The following KCNAB1 variants were observed in gnomAD, a reference collection of about 807,000 sequenced individuals.
KCNAB1 encodes the protein voltage-gated potassium channel subunit beta-1.
Under a neutral mutation model 64.6 loss-of-function variants are expected in KCNAB1, and 35 were observed. The observed-to-expected ratio is 0.54, with a 90% confidence interval of 0.41 to 0.72. The LOEUF is 0.72. Ranked by LOEUF, KCNAB1 falls within the 30% of genes least tolerant of loss-of-function variation. KCNAB1 has a pLI of 0.00. For synonymous variants in KCNAB1, 177 were observed against 183.8 expected (o/e 0.96, Z 0.30); for missense variants, 401 against 512.9 (o/e 0.78, Z 2.11).
At chr3:156,406,413 A>C (rs1161398241) in intron 1 of KCNAB1, among the ~76,000 whole-genome samples, 1 of 152,148 alleles carries the variant, frequency 6.6e-6, no homozygotes, top group Non-Finnish European at 1.5e-5. Flanking sequence ...GACAACACAC[A>C]AAGAACCATG....
intron 1 of KCNAB1, among the ~76,000 whole-genome samples, chr3:156,184,696 C>T (rs1199142542): frequency 6.6e-6 from 1 of 152,176 alleles, no homozygotes; most frequent in Non-Finnish European, 1.5e-5. Flanking sequence ...CAACCTAGGA[C>T]CATCAAAATA....
intron 1 of KCNAB1, among the ~76,000 whole-genome samples, chr3:156,296,840 A>G (rs1260396956): frequency 6.6e-6 from 1 of 152,134 alleles, no homozygotes; most frequent in East Asian, 1.9e-4. Flanking sequence ...AAATTTACAG[A>G]AGTTTGCAAA....
intron 1 of KCNAB1, among the ~76,000 whole-genome samples, chr3:156,380,380 TG>T (rs1712059724): frequency 6.6e-6 from 1 of 152,258 alleles, no homozygotes; most frequent in Non-Finnish European, 1.5e-5. Flanking sequence ...ATGCATTCCT[TG>T]GTGTACTGAG....
At chr3:156,454,771 T>C (rs1712267501) in intron 3 of KCNAB1, among the ~76,000 whole-genome samples, 2 of 152,138 alleles carry the variant, frequency 1.3e-5, no homozygotes, top group South Asian at 2.1e-4. Flanking sequence ...CTGATGGTGC[T>C]TGGAAGGGAA....
intron 1 of KCNAB1, among the ~76,000 whole-genome samples, chr3:156,192,523 A>G (rs1387614400): frequency 6.6e-6 from 1 of 152,132 alleles, no homozygotes; most frequent in Non-Finnish European, 1.5e-5. Context: ...AGTGCTGTTC[A>G]AGTCTTTGAT....
chr3:156,128,726 C>G (rs1179508838), intron 1 of KCNAB1, among the ~76,000 whole-genome samples: 1 of 152,166 alleles, frequency 6.6e-6, no homozygotes, highest in Non-Finnish European at 1.5e-5. Flanking sequence ...AACTATGGCA[C>G]TCTAATTGTG....
At chr3:156,421,242 G>A (rs372384756) in intron 1 of KCNAB1, among the ~76,000 whole-genome samples, 23 of 152,054 alleles carry the variant, frequency 1.5e-4, no homozygotes, top group African/African-American at 4.3e-4. Context: ...AGTGAGAAGT[G>A]GTCAGTTGAC....
At chr3:156,503,356 T>C (rs1281539165) in intron 8 of KCNAB1, among the ~76,000 whole-genome samples, 1 of 152,246 alleles carries the variant, frequency 6.6e-6, no homozygotes, top group Non-Finnish European at 1.5e-5. Context: ...TAGAAAGCTC[T>C]CTTATTGCTT....
At chr3:156,337,903 A>G (rs1437370751) in intron 1 of KCNAB1, among the ~76,000 whole-genome samples, 2 of 152,224 alleles carry the variant, frequency 1.3e-5, no homozygotes, top group East Asian at 3.8e-4. Flanking sequence ...ACATTCAAGT[A>G]TTATCTATTT....
At chr3:156,222,788 C>T (rs967213189) in intron 1 of KCNAB1, among the ~76,000 whole-genome samples, 1 of 152,112 alleles carries the variant, frequency 6.6e-6, no homozygotes, top group Non-Finnish European at 1.5e-5. Flanking sequence ...CCTTCAAAAC[C>T]ATGCAAATAT....
chr3:156,184,813 C>G (rs1231166252), intron 1 of KCNAB1, among the ~76,000 whole-genome samples: 2 of 152,134 alleles, frequency 1.3e-5, no homozygotes, highest in Non-Finnish European at 2.9e-5. Context: ...TTCCCCATAC[C>G]TGTTTCTCCT....
At chr3:156,180,119 T>G (rs1712706707) in intron 1 of KCNAB1, among the ~76,000 whole-genome samples, 1 of 152,248 alleles carries the variant, frequency 6.6e-6, no homozygotes, top group Non-Finnish European at 1.5e-5. Context: ...CAGAGGTCAC[T>G]CAGCCTATAA....
In KCNAB1 at chr3:156,182,695, A is replaced by ATTTTTT. The variant is rs10624040; in HGVS notation, c.275+61822_275+61827dup. 1.4e-3 allele frequency among the ~76,000 whole-genome samples: 191 copies of ATTTTTT among 132,674 alleles called. 1 individual carries two copies. Among genetic ancestry groups the ATTTTTT allele is most frequent in the African/African-American group, 4.7e-3 (168 of 35,674 alleles). 87.0% of individuals were successfully genotyped at this position (132,674 alleles called of 152,430 possible). ...CAAGGTATCTTCCTAAAGTAAGACA[A>ATTTTTT]TTTTTTTTTTTTTTTTTTATTTTGC... On this transcript the variant is annotated intron_variant, in intron 1 of 13. Coordinates refer to ENST00000490337, the MANE Select transcript of KCNAB1 (RefSeq NM_172160.3).
intron 2 of KCNAB1, among the ~76,000 whole-genome samples, chr3:156,431,935 A>G (rs1406044726): frequency 6.6e-6 from 1 of 152,196 alleles, no homozygotes; most frequent in Non-Finnish European, 1.5e-5. Flanking sequence ...TCCATCCCTG[A>G]GCCAATCATC....
chr3:156,387,014 CTTTTTTTTTT>C (rs1194708289), intron 1 of KCNAB1, among the ~76,000 whole-genome samples: 2 of 90,526 alleles, frequency 2.2e-5, no homozygotes, highest in East Asian at 2.5e-4. Context: ...TTCTCTCTCT[CTTTTTTTTTT>C]TTTTTTTTTT....
rs566881054 is a variant in KCNAB1, at chr3:156,242,550, T to A, written c.275+121664T>A. On this transcript the variant is annotated intron_variant, in intron 1 of 13. Transcript: ENST00000490337. ...TCTCTCTCTTTTATACACTTTTTTT[T>A]TCTGAAAAATTTCTTCCACTTTATT... Among the ~76,000 whole-genome samples, 1,177 of 152,244 alleles carry A rather than the reference T, an allele frequency of 7.7e-3. 13 individuals are homozygous for A. Among genetic ancestry groups the A allele is most frequent in the African/African-American group, 0.027 (1,131 of 41,554 alleles).
intron 1 of KCNAB1, among the ~76,000 whole-genome samples, chr3:156,271,783 T>C (rs1372856927): frequency 6.6e-6 from 1 of 152,206 alleles, no homozygotes; most frequent in African/African-American, 2.4e-5. Context: ...ATTGAAAAGT[T>C]AGGTATTTAT....
At chr3:156,240,862 T>A (rs1717121609) in intron 1 of KCNAB1, among the ~76,000 whole-genome samples, 1 of 152,134 alleles carries the variant, frequency 6.6e-6, no homozygotes, top group African/African-American at 2.4e-5. Context: ...AAGGAAGTGA[T>A]AAGCGGAAGA....
chr3:156,491,027 T>C (rs1715593128), intron 8 of KCNAB1, among the ~76,000 whole-genome samples: 1 of 152,140 alleles, frequency 6.6e-6, no homozygotes, highest in African/African-American at 2.4e-5. Context: ...CAAAACACCA[T>C]GAAGCAGGCC....
Sources: allele counts gnomAD v4.1 joint callset (sites outside exome capture counted in the v4.1 genomes callset), GRCh38; gene constraint gnomAD v4.1.1; transcripts MANE v1.5; gene names NCBI Gene and HGNC (gene_info 2026-07-23, HGNC 2026-07-21).